WIPF1: variants seen among roughly 807,000 people sequenced by gnomAD.
WIPF1 encodes the protein WAS/WASL interacting protein family member 1, also known as WAS/WASL-interacting protein family member 1.
Under a neutral mutation model 35.4 loss-of-function variants are expected in WIPF1, and 13 were observed. The observed-to-expected ratio is 0.37, with a 90% CI of 0.24 to 0.58. The LOEUF is 0.58. Among genes scored for constraint, WIPF1 ranks in the 20% least tolerant of loss-of-function variants. The pLI, the probability that WIPF1 is intolerant of heterozygous loss-of-function variation, is 0.74. For synonymous variants in WIPF1, 267 were observed against 266.3 expected, an observed-to-expected ratio of 1.00 and a Z score of -0.02; for missense variants, 591 against 667.0, an observed-to-expected ratio of 0.89 and a Z score of 1.25.
In WIPF1 at chr2:174,657,491, A is replaced by C. The variant is rs116188524; in HGVS notation, c.-39+25283T>G. 5.8e-3 allele frequency among the ~76,000 whole-genome samples: 890 copies of C among 152,338 alleles called. 10 individuals are homozygous for C. The highest frequency in any genetic ancestry group is 0.021 in the African/African-American group (856 of 41,576). ...CTCCCAGGGTTTTCAAAGCTCCAGA[A>C]CTAAGTGACAGAAAAGGGGCCTGCA... On this transcript the variant is annotated intron_variant, in intron 1 of 8. Coordinates refer to the WIPF1 transcript ENST00000272746.
At chr2:174,653,260 G>A (rs934425923) in intron 1 of WIPF1, among the ~76,000 whole-genome samples, 4 of 152,174 alleles carry the variant, frequency 2.6e-5, no homozygotes, top group Admixed American at 1.3e-4. Context: ...CTGGATGAAC[G>A]TGGCTCCCCT....
intron 1 of WIPF1, among the ~76,000 whole-genome samples, chr2:174,606,183 T>C (rs550851142): frequency 3.3e-5 from 5 of 152,254 alleles, no homozygotes; most frequent in Admixed American, 2.0e-4. Context: ...CACTGTTCAG[T>C]AGAAATATAA....
In WIPF1 at chr2:174,571,543, G is replaced by A; in HGVS notation, c.1129+133C>T. 8.1e-7 allele frequency: 1 copy of A among 1,237,630 alleles called. No individual in the cohort carries two copies. Among genetic ancestry groups the A allele is most frequent in the Non-Finnish European group, 1.2e-6 (1 of 837,880 alleles). The allele number at this position is 1,237,630 out of a possible 1,614,324, so 76.7% of individuals were successfully genotyped here. ...ACGAGGTCACGATCACACGTGTCGT[G>A]TGCCACTTAAAAGCACAAAGCAGTC... On this transcript the variant is annotated intron_variant, in intron 5 of 7. Transcript: ENST00000679041. This position sits in a 1 kb window ranked among gnomAD's most constrained non-coding sequence, Gnocchi z 4.6.
chr2:174,570,354 T>C (rs1248151734), intron 5 of WIPF1: 1 of 152,264 alleles, frequency 6.6e-6, no homozygotes, highest in African/African-American at 2.4e-5. Flanking sequence ...TATCAATGAT[T>C]ATTTCTGGAT....
chr2:174,611,501 G>T (rs537244666), intron 1 of WIPF1, among the ~76,000 whole-genome samples: 33 of 152,334 alleles, frequency 2.2e-4, no homozygotes, highest in South Asian at 6.2e-4. Context: ...CTTTAAGGTG[G>T]TATCAGGAGG....
Position 174,561,742 on chromosome 2 carries a change from A to G in WIPF1, c.*805T>C, listed in dbSNP as rs1276654765. The G allele has an allele frequency of 1.5e-5, 3 of 198,000 alleles. No individual in the cohort carries two copies. In the Admixed American group the frequency reaches 1.6e-4, roughly 11 times the overall value. 12.3% of individuals were successfully genotyped at this position (198,000 alleles called of 1,614,324 possible). On this transcript the variant is annotated 3_prime_UTR_variant, in exon 8 of 8. Coordinates refer to ENST00000679041, the MANE Select transcript of WIPF1 (RefSeq NM_001375834.1). ...TGTTTTTTAAACAAGAGGTTTCTGC[A>G]CTAGCTTCCATCTTCCAGACTCGTG...
At chr2:174,603,467 G>C (rs755706429) in intron 1 of WIPF1, among the ~76,000 whole-genome samples, 5 of 152,186 alleles carry the variant, frequency 3.3e-5, no homozygotes, top group Non-Finnish European at 7.3e-5. Flanking sequence ...GGCAGTCCTT[G>C]TTAAGTGACA....
chr2:174,639,794 CAAG>C (rs896822221), intron 1 of WIPF1, among the ~76,000 whole-genome samples: 67 of 152,290 alleles, frequency 4.4e-4, no homozygotes, highest in African/African-American at 1.6e-3. Flanking sequence ...AGACCAACGT[CAAG>C]AAGAATTTTC....
At chr2:174,606,237 A>G (rs1686159709) in intron 1 of WIPF1, among the ~76,000 whole-genome samples, 1 of 152,270 alleles carries the variant, frequency 6.6e-6, no homozygotes, top group Non-Finnish European at 1.5e-5. Flanking sequence ...GAGCTATGTT[A>G]GAAATAGTAA....
chr2:174,670,744 T>C (rs1271969947), intron 1 of WIPF1, among the ~76,000 whole-genome samples: 1 of 152,188 alleles, frequency 6.6e-6, no homozygotes, highest in African/African-American at 2.4e-5. Context: ...ATGGCCACAG[T>C]CACCAACTAA....
chr2:174,665,460 T>C (rs1056088313), intron 1 of WIPF1: 1 of 152,246 alleles, frequency 6.6e-6, no homozygotes, highest in African/African-American at 2.4e-5. Context: ...AGGAAAACCA[T>C]TTCTAGGACC....
chr2:174,613,171 C>A (rs763819113), intron 1 of WIPF1, among the ~76,000 whole-genome samples: 29 of 152,292 alleles, frequency 1.9e-4, no homozygotes, highest in Non-Finnish European at 3.5e-4. Flanking sequence ...GTCTAAGGTA[C>A]AGAAAACAGC....
At chr2:174,644,073 G>A (rs1328100103) in intron 1 of WIPF1, among the ~76,000 whole-genome samples, 4 of 152,178 alleles carry the variant, frequency 2.6e-5, no homozygotes, top group South Asian at 4.2e-4. Flanking sequence ...ATTTTATCAT[G>A]TGTTCAGTTA....
At chr2:174,668,889 A>G (rs1687949203) in intron 1 of WIPF1, among the ~76,000 whole-genome samples, 1 of 152,212 alleles carries the variant, frequency 6.6e-6, no homozygotes, top group Non-Finnish European at 1.5e-5. Context: ...CATAGTTCAG[A>G]CTGGGCTGAA....
At chr2:174,628,609 A>C (rs545886240) in intron 1 of WIPF1, among the ~76,000 whole-genome samples, 1 of 152,342 alleles carries the variant, frequency 6.6e-6, no homozygotes, top group South Asian at 2.1e-4. Context: ...TCAAATCTTC[A>C]ATCTGTTACT....
At chr2:174,653,761 A>G (rs1687586453) in intron 1 of WIPF1, among the ~76,000 whole-genome samples, 1 of 151,586 alleles carries the variant, frequency 6.6e-6, no homozygotes, top group African/African-American at 2.4e-5. Context: ...AAAAAAAAAA[A>G]AGAAACAGAG....
chr2:174,624,237 C>A (rs1686757389), intron 1 of WIPF1, among the ~76,000 whole-genome samples: 1 of 152,222 alleles, frequency 6.6e-6, no homozygotes, highest in Non-Finnish European at 1.5e-5. Context: ...GTAATAACCA[C>A]ATTTCTAATG....
Position 174,572,306 on chromosome 2 carries a change from T to C in WIPF1, c.499A>G (p.Asn167Asp). Residue 167 changes from asparagine to aspartate, a missense_variant, in exon 5 of 8, where the codon AAC becomes GAC. This residue lies in a region of WIPF1 where 471 missense variants were observed against 501.1 expected (regional missense o/e 0.94). Transcript: ENST00000679041. ...HRSGPPEPQR[N>D]RMPPPRPDVG... ...TCGGGCCTTGGGGGCGGCATTCGGT[T>C]CCTCTGAGGCTCTGGGGGACCACTT... The C allele has an allele frequency of 4.3e-6, 7 of 1,613,956 alleles. No homozygotes were observed. Among genetic ancestry groups the C allele is most frequent in the Non-Finnish European group, 5.9e-6 (7 of 1,179,956 alleles).
chr2:174,662,223 G>T (rs374203091), intron 1 of WIPF1, among the ~76,000 whole-genome samples: 1 of 152,106 alleles, frequency 6.6e-6, no homozygotes, highest in Non-Finnish European at 1.5e-5. Flanking sequence ...CTATGAAAAC[G>T]GTTGTTATAC....
Sources: allele counts gnomAD v4.1 joint callset (sites outside exome capture counted in the v4.1 genomes callset), GRCh38; gene constraint gnomAD v4.1.1; regional missense constraint gnomAD v4.1.1; non-coding constraint Gnocchi (gnomAD v3.1); transcripts MANE v1.5; gene names NCBI Gene and HGNC (gene_info 2026-07-23, HGNC 2026-07-21).